The following SOS2 variants were observed in gnomAD, a reference collection of about 807,000 sequenced individuals.
SOS2 encodes the protein son of sevenless homolog 2.
SOS2 carries 65 observed loss-of-function variants against 148.2 expected under a neutral mutation model. The observed-to-expected ratio is 0.44, with a 90% CI of 0.36 to 0.54. SOS2 has a LOEUF of 0.54. Among genes scored for constraint, SOS2 ranks in the 20% least tolerant of loss-of-function variants. The pLI, the probability that SOS2 is intolerant of heterozygous loss-of-function variation, is 0.00. For missense variants in SOS2, 1,341 were observed against 1,590.2 expected, an observed-to-expected ratio of 0.84 and a Z score of 2.67; for synonymous variants, 539 against 537.1, an observed-to-expected ratio of 1.00 and a Z score of -0.05.
At chr14:50,210,654 C>G (rs1033856021) in intron 1 of SOS2, among the ~76,000 whole-genome samples, 11 of 151,392 alleles carry the variant, frequency 7.3e-5, no homozygotes, top group African/African-American at 2.7e-4. Flanking sequence ...AGGCTCATAT[C>G]TAGAATATAT....
At chr14:50,211,526 C>T (rs60362771) in intron 1 of SOS2, among the ~76,000 whole-genome samples, 39,265 of 151,444 alleles carry the variant, frequency 0.26, 5,655 homozygotes, top group East Asian at 0.45. Context: ...AGCTCTCACC[C>T]GTAAATGAGA....
chr14:50,129,110 CAGAA>C lies in SOS2; in HGVS notation c.3379+847_3379+850del, dbSNP rs760410961. Among the ~76,000 whole-genome samples, 36 of 151,880 alleles carry C rather than the reference CAGAA, an allele frequency of 2.4e-4. No individual in the cohort carries two copies. The East Asian group carries it at 6.4e-3, about 27-fold the overall frequency. ...TTATTTTGTTTTAAACAAATGACCA[CAGAA>C]AGAAAGTTTACAGCATTAAAAGTTA... On this transcript the variant is annotated intron_variant, in intron 21 of 22. Coordinates refer to ENST00000216373, the MANE Select transcript of SOS2 (RefSeq NM_006939.4).
intron 12 of SOS2, 39 bp from the exon 13 acceptor site, chr14:50,153,212 A>T (rs370309354): frequency 8.8e-7 from 1 of 1,132,626 alleles, no homozygotes; most frequent in African/African-American, 1.5e-5. Context: ...GTGAAACATA[A>T]GTGTTCAATT....
intron 11 of SOS2, among the ~76,000 whole-genome samples, chr14:50,157,559 T>G (rs1884859633): frequency 6.6e-6 from 1 of 152,112 alleles, no homozygotes; most frequent in Non-Finnish European, 1.5e-5. Flanking sequence ...GTGGATAAGA[T>G]AAAGATAAAA....
intron 21 of SOS2, among the ~76,000 whole-genome samples, chr14:50,129,265 C>T (rs1296774562): frequency 6.6e-6 from 1 of 152,024 alleles, no homozygotes; most frequent in Non-Finnish European, 1.5e-5. Flanking sequence ...TAAACATTTA[C>T]TATATTATTG....
chr14:50,225,094 TACTAG>T (rs1887328463), intron 1 of SOS2, among the ~76,000 whole-genome samples: 1 of 152,098 alleles, frequency 6.6e-6, no homozygotes, highest in African/African-American at 2.4e-5. Flanking sequence ...AAAAACTTTG[TACTAG>T]CATATATTCT....
chr14:50,127,927 A>C lies in SOS2; in HGVS notation c.3379+2034T>G, dbSNP rs1304059944. On this transcript the variant is annotated intron_variant, in intron 21 of 22. Coordinates refer to ENST00000216373, the MANE Select transcript of SOS2 (RefSeq NM_006939.4). ...AAATGAGTTCAAAATTCTGAGTCAA[A>C]TTATTTTTTACATTCTATTTCCAGC... Among the ~76,000 whole-genome samples the C allele has an allele frequency of 2.0e-5, 3 of 152,230 alleles. No homozygotes were observed. The East Asian group carries it at 5.8e-4, about 29-fold the overall frequency.
Position 50,120,335 on chromosome 14 carries a change from G to A in SOS2, c.3429C>T (p.Pro1143=), listed in dbSNP as rs779595745. ...GAGGAGGAAGAGGAGGAGGAATCAG[G>A]GGCTCTTCACTTAGTTTATGTAAAC... The part of the protein sequence containing the change: ...CGSLHKLSEE[P]LIPPPLPPRK... The change falls in exon 22 of 23, where the codon CCC becomes CCT. Residue 1143 remains proline, a synonymous_variant. Transcript: ENST00000216373. The A allele has an allele frequency of 1.2e-5, 19 of 1,608,726 alleles. No homozygotes were observed. The East Asian group carries it at 4.0e-4, about 34-fold the overall frequency.
chr14:50,215,053 G>A (rs1326065464), intron 1 of SOS2, among the ~76,000 whole-genome samples: 1 of 151,422 alleles, frequency 6.6e-6, no homozygotes, highest in Non-Finnish European at 1.5e-5. Flanking sequence ...ATCTAGGATG[G>A]TTTTGATCTC....
Position 50,201,009 on chromosome 14 carries a change from G to A in SOS2, c.289C>T (p.Arg97Ter). 6.2e-7 allele frequency: 1 copy of A among 1,613,870 alleles called. No individual in the cohort carries two copies. The highest frequency in any genetic ancestry group is 8.5e-7 in the Non-Finnish European group (1 of 1,179,866). ...AGTAAAAGAGGATTTCTTCGTTTTC[G>A]TTTTTCTATAGCAGATTGTGCATCA... ...IADAQSAIEK[R>*]KRRNPLLLPV... Residue 97 changes from arginine (R) to a stop codon, truncating the protein, a stop_gained, in exon 3 of 23, where the codon CGA (arginine) becomes TGA (stop). Coordinates refer to ENST00000216373, the MANE Select transcript of SOS2 (RefSeq NM_006939.4). LOFTEE classifies it high-confidence loss of function.
intron 7 of SOS2, among the ~76,000 whole-genome samples, chr14:50,180,225 A>G (rs1033221169): frequency 6.7e-6 from 1 of 150,164 alleles, no homozygotes; most frequent in Non-Finnish European, 1.5e-5. Context: ...GCTGGTCTCA[A>G]ACTCCTGACC....
intron 16 of SOS2, among the ~76,000 whole-genome samples, chr14:50,143,541 G>A (rs923814318): frequency 6.6e-6 from 1 of 151,994 alleles, no homozygotes; most frequent in Non-Finnish European, 1.5e-5. Flanking sequence ...AGGTTCAAGC[G>A]ATACCCCTGC....
intron 21 of SOS2, among the ~76,000 whole-genome samples, chr14:50,124,800 A>T (rs7160104): frequency 6.6e-6 from 1 of 152,136 alleles, no homozygotes; most frequent in African/African-American, 2.4e-5. Flanking sequence ...GAGTCTTGCC[A>T]TTTTTCTCAT....
At chr14:50,203,261 G>T (rs532390730) in intron 2 of SOS2, among the ~76,000 whole-genome samples, 32 of 152,182 alleles carry the variant, frequency 2.1e-4, no homozygotes, top group African/African-American at 7.0e-4. Context: ...CCAGCTGCTT[G>T]GGAGGCTGAG....
intron 16 of SOS2, among the ~76,000 whole-genome samples, chr14:50,141,337 T>G (rs1055931059): frequency 2.0e-5 from 3 of 149,102 alleles, no homozygotes; most frequent in African/African-American, 7.4e-5. Flanking sequence ...CTGCGCAACA[T>G]AGCAACGCCC....
chr14:50,167,594 C>T (rs562920254), intron 8 of SOS2, among the ~76,000 whole-genome samples: 16 of 151,534 alleles, frequency 1.1e-4, no homozygotes, highest in South Asian at 2.1e-4. Context: ...GGTAGCCAGG[C>T]GCAATGACTC....
At chr14:50,126,668 T>C (rs1273371372) in intron 21 of SOS2, among the ~76,000 whole-genome samples, 1 of 151,076 alleles carries the variant, frequency 6.6e-6, no homozygotes, top group Non-Finnish European at 1.5e-5. Context: ...AGCTGAAAGA[T>C]AAAGTGAGGA....
intron 21 of SOS2, 65 bp from the exon 22 acceptor site, chr14:50,120,449 G>C (rs542250346): frequency 2.6e-6 from 2 of 767,688 alleles, no homozygotes; most frequent in African/African-American, 1.8e-5. Context: ...ATCACAATTT[G>C]TGATCGATAC....
intron 5 of SOS2, among the ~76,000 whole-genome samples, chr14:50,187,867 A>G (rs1885968738): frequency 6.6e-6 from 1 of 152,210 alleles, no homozygotes; most frequent in Admixed American, 6.5e-5. Flanking sequence ...GGTACTTACC[A>G]AAAGACAGAA....
Sources: allele counts gnomAD v4.1 joint callset (sites outside exome capture counted in the v4.1 genomes callset), GRCh38; gene constraint gnomAD v4.1.1; transcripts MANE v1.5; gene names NCBI Gene and HGNC (gene_info 2026-07-23, HGNC 2026-07-21).